Variants in ZBTB20 observed in about 807,000 individuals in gnomAD.
The protein encoded by ZBTB20 is zinc finger and BTB domain-containing protein 20.
Under a neutral mutation model 56.9 loss-of-function variants are expected in ZBTB20, and 9 were observed. That is an observed-to-expected ratio of 0.16 (90% CI 0.10 to 0.28). ZBTB20 has a LOEUF of 0.28. ZBTB20 is among the 10% of genes least tolerant of loss of function. The pLI is 1.00. For missense variants in ZBTB20, 655 were observed against 1,003.0 expected (o/e 0.65, Z 4.69); for synonymous variants, 417 against 420.7 (o/e 0.99, Z 0.11).
intron 7 of ZBTB20, among the ~76,000 whole-genome samples, chr3:114,454,345 G>A (rs1321838459): frequency 6.6e-6 from 1 of 151,746 alleles, no homozygotes; most frequent in African/African-American, 2.4e-5. Context: ...CCCCCCAGGG[G>A]TGCACAAAGA....
At chr3:114,791,643 A>T (rs1471110767) in intron 5 of ZBTB20, 1 of 152,212 alleles carries the variant, frequency 6.6e-6, no homozygotes, top group Non-Finnish European at 1.5e-5. Context: ...AAAGTCTTAA[A>T]ATATCAAGTA....
chr3:115,045,618 A>G (rs1221002298), intron 2 of ZBTB20, among the ~76,000 whole-genome samples: 1 of 152,126 alleles, frequency 6.6e-6, no homozygotes. Context: ...TCATGGTGTT[A>G]TAAAGTTCTT....
intron 7 of ZBTB20, among the ~76,000 whole-genome samples, chr3:114,439,112 G>T (rs2090738355): frequency 6.6e-6 from 1 of 152,090 alleles, no homozygotes; most frequent in Non-Finnish European, 1.5e-5. Context: ...CCGTGTTTCT[G>T]TCACAACCTA....
At chr3:114,517,884 T>A (rs1032372235) in intron 6 of ZBTB20, among the ~76,000 whole-genome samples, 3 of 152,110 alleles carry the variant, frequency 2.0e-5, no homozygotes, top group African/African-American at 7.2e-5. Flanking sequence ...ATTTGACATG[T>A]ATTTTTTAAG....
chr3:114,510,999 A>AG (rs1285463619), intron 6 of ZBTB20, among the ~76,000 whole-genome samples: 1 of 151,976 alleles, frequency 6.6e-6, no homozygotes, highest in Admixed American at 6.6e-5. Flanking sequence ...TTTTCAAAAA[A>AG]GAAAAAAAAA....
Position 114,899,832 on chromosome 3 carries a change from AT to A in ZBTB20, c.-417+471del, listed in dbSNP as rs200142363. 6.1e-3 allele frequency among the ~76,000 whole-genome samples: 924 copies of A among 151,680 alleles called. 14 individuals carry two copies. The highest frequency in any genetic ancestry group is 0.019 in the African/African-American group (800 of 41,380). ...GTTGAGATTTTAAACAGGTGCAAACATTTTTTTTTCCCATTCGTCTAGTGCT... is the reference window on the plus strand; with the variant it reads ...GTTGAGATTTTAAACAGGTGCAAACATTTTTTTTCCCATTCGTCTAGTGCT... On this transcript the variant is annotated intron_variant, in intron 4 of 11. Coordinates refer to ENST00000675478, the MANE Select transcript of ZBTB20 (RefSeq NM_001348800.3).
intron 1 of ZBTB20, among the ~76,000 whole-genome samples, chr3:115,138,832 A>G (rs1448252521): frequency 6.6e-6 from 1 of 152,076 alleles, no homozygotes; most frequent in Non-Finnish European, 1.5e-5. Context: ...ATACAAGGAT[A>G]GAATGCATTT....
rs562453167 is a variant in ZBTB20, at chr3:114,392,231, T to C, written c.-254-3126A>G. 2.0e-5 allele frequency among the ~76,000 whole-genome samples: 3 copies of C among 152,294 alleles called. No individual in the cohort carries two copies. The South Asian group carries it at 6.2e-4, about 32-fold the overall frequency. On this transcript the variant is annotated intron_variant, in intron 7 of 11. Transcript: ENST00000675478. ...ATTTGATAGCACAACAGAGTGACTA[T>C]AGTCAATAATAACTTAATCGTACAT...
At chr3:114,475,839 C>A (rs2040691352) in intron 7 of ZBTB20, among the ~76,000 whole-genome samples, 1 of 152,028 alleles carries the variant, frequency 6.6e-6, no homozygotes, top group African/African-American at 2.4e-5. Flanking sequence ...AATTGTAGTT[C>A]AAGATAACAA....
intron 1 of ZBTB20, among the ~76,000 whole-genome samples, chr3:115,072,927 T>C (rs1057454485): frequency 5.3e-5 from 8 of 152,218 alleles, no homozygotes; most frequent in Non-Finnish European, 7.3e-5. Context: ...AGATTCCTCA[T>C]TGGTCAAATG....
At chr3:114,535,778 A>C (rs948662679) in intron 6 of ZBTB20, among the ~76,000 whole-genome samples, 1 of 152,228 alleles carries the variant, frequency 6.6e-6, no homozygotes, top group Non-Finnish European at 1.5e-5. Flanking sequence ...GCAGCACAGC[A>C]AAAAGCTTAT....
At chr3:114,926,636 G>A (rs956790284) in intron 3 of ZBTB20, among the ~76,000 whole-genome samples, 1 of 152,098 alleles carries the variant, frequency 6.6e-6, no homozygotes, top group Non-Finnish European at 1.5e-5. Context: ...CAGATGAAGA[G>A]GCAATAAAGT....
At chr3:114,571,507 G>T (rs777603110) in intron 6 of ZBTB20, among the ~76,000 whole-genome samples, 5 of 152,142 alleles carry the variant, frequency 3.3e-5, no homozygotes, top group African/African-American at 2.4e-5. Context: ...GCCTTCAGCG[G>T]GGTGGGGTGA....
At chr3:115,069,439 T>C (rs2082326033) in intron 2 of ZBTB20, among the ~76,000 whole-genome samples, 3 of 152,140 alleles carry the variant, frequency 2.0e-5, no homozygotes. Flanking sequence ...CCTCCACTAA[T>C]ATGCCACGAA....
intron 7 of ZBTB20, among the ~76,000 whole-genome samples, chr3:114,400,784 C>T (rs2086747522): frequency 6.6e-6 from 1 of 152,074 alleles, no homozygotes; most frequent in African/African-American, 2.4e-5. Flanking sequence ...TTTCACCTGG[C>T]AGCCCCAAGA....
intron 4 of ZBTB20, among the ~76,000 whole-genome samples, chr3:114,854,271 T>C (rs2075139107): frequency 6.6e-6 from 1 of 152,174 alleles, no homozygotes; most frequent in Admixed American, 6.5e-5. Context: ...ATAAGAGCCT[T>C]AATAATAAAA....
intron 5 of ZBTB20, among the ~76,000 whole-genome samples, chr3:114,720,870 T>C (rs911252880): frequency 6.6e-6 from 1 of 152,150 alleles, no homozygotes; most frequent in Non-Finnish European, 1.5e-5. Flanking sequence ...TATTATGCAA[T>C]AAAATTCAGA....
chr3:114,479,105 G>A (rs561465802), intron 7 of ZBTB20, among the ~76,000 whole-genome samples: 2 of 146,632 alleles, frequency 1.4e-5, no homozygotes, highest in Non-Finnish European at 1.5e-5. Context: ...CAGGATGGGG[G>A]GAAGAAGGAA....
At chr3:115,057,613 A>G (rs1349295157) in intron 2 of ZBTB20, among the ~76,000 whole-genome samples, 2 of 152,126 alleles carry the variant, frequency 1.3e-5, no homozygotes, top group African/African-American at 4.8e-5. Context: ...ATATTTACTC[A>G]TATATTTACC....
Sources: gnomAD v4.1 joint callset for allele counts (sites outside exome capture counted in the v4.1 genomes callset) on GRCh38, gnomAD v4.1.1 for gene constraint, MANE v1.5 for transcripts, NCBI Gene and HGNC (gene_info 2026-07-23, HGNC 2026-07-21) for gene names.